The following TIMM44 variants were observed in gnomAD, a reference collection of about 807,000 sequenced individuals.
The protein encoded by TIMM44 is translocase of inner mitochondrial membrane 44, also known as mitochondrial import inner membrane translocase subunit TIM44.
TIMM44 carries 37 observed loss-of-function variants against 63.8 expected under a neutral mutation model. That is an observed-to-expected ratio of 0.58 (90% CI 0.45 to 0.76). The LOEUF is 0.76. TIMM44 is among the 30% of genes least tolerant of loss of function. TIMM44 has a pLI of 0.00. For synonymous variants in TIMM44, 239 were observed against 245.1 expected (o/e 0.98, Z 0.23); for missense variants, 573 against 603.8 (o/e 0.95, Z 0.54).
At chr19:7,938,821 A>T (rs1363479109) in intron 2 of TIMM44, among the ~76,000 whole-genome samples, 7 of 152,140 alleles carry the variant, frequency 4.6e-5, no homozygotes, top group Non-Finnish European at 8.8e-5. Context: ...AAAATAAAAT[A>T]AAATAATTTA....
chr19:7,940,664 A>G (rs754420643), intron 2 of TIMM44, among the ~76,000 whole-genome samples: 14 of 152,134 alleles, frequency 9.2e-5, no homozygotes, highest in Non-Finnish European at 1.9e-4. Context: ...AGACACCAAC[A>G]GAAGCACAGT....
In TIMM44 at chr19:7,943,034, CTG is replaced by C. The variant is rs1473356979; in HGVS notation, c.45+571_45+572del. 2.2e-5 allele frequency among the ~76,000 whole-genome samples: 3 copies of C among 134,560 alleles called. 1 individual carries two copies. The highest frequency in any genetic ancestry group is 2.1e-4 in the East Asian group (1 of 4,712). The allele number at this position is 134,560 out of a possible 152,430, so 88.3% of individuals were successfully genotyped here. ...CAGACTGGGCGACAAGAGCGAAACT[CTG>C]TCTCAAAAAAAAAAAAAAAAGAGAA... is the stretch of plus-strand genomic sequence containing the variant. On this transcript the variant is annotated intron_variant, in intron 1 of 12. Transcript: ENST00000270538. This position sits in a 1 kb window ranked among gnomAD's most constrained non-coding sequence, Gnocchi z 4.3.
At position 7,928,899 on chromosome 19, in the gene TIMM44, CAAGGTAAAAACA is replaced by C. The variant is rs1983892692; in HGVS notation, c.1039-745_1039-734del. 5.8e-5 allele frequency: 5 copies of C among 86,876 alleles called. No individual in the cohort carries two copies. In the Admixed American group the frequency reaches 8.0e-4, roughly 14 times the overall value. The allele number at this position is 86,876 out of a possible 1,614,324, so 5.4% of individuals were successfully genotyped here. ...CGAGTCAGCTGTGGCGTAATGGTCCCAAGGTAAAAACAAAACAAAAAACCAAAAAAAAAAAAA... is the reference window on the plus strand; with the variant it reads ...CGAGTCAGCTGTGGCGTAATGGTCCCAAACAAAAAACCAAAAAAAAAAAAA... On this transcript the variant is annotated intron_variant, in intron 10 of 12. Transcript: ENST00000270538.
chr19:7,939,974 G>A lies in TIMM44; in HGVS notation c.141+1128C>T, dbSNP rs570529439. The stretch of plus-strand genomic sequence containing the variant: ...ACAATAATCCAATCAGGCGGAAGGG[G>A]CCGCCTGTGGTCAACTTTTCCACAG... On this transcript the variant is annotated intron_variant, in intron 2 of 12. Coordinates refer to ENST00000270538, the MANE Select transcript of TIMM44 (RefSeq NM_006351.4). 1.6e-3 allele frequency among the ~76,000 whole-genome samples: 249 copies of A among 152,188 alleles called. 1 individual carries two copies. The highest frequency in any genetic ancestry group is 3.2e-3 in the Non-Finnish European group (216 of 68,002).
Position 7,935,059 on chromosome 19 carries a change from T to A in TIMM44, c.393+6A>T. On this transcript the variant is annotated splice_donor_region_variant and intron_variant, in intron 4 of 12. Transcript: ENST00000270538. ...CAGCGGCTCCAGGCGGGCGTGGAAC[T>A]GTTACCTCCTTCACGGTGCCCGTCA... is the stretch of plus-strand genomic sequence containing the variant. The A allele has an allele frequency of 6.2e-7, 1 of 1,612,150 alleles. No homozygotes were observed.
In TIMM44 at chr19:7,934,320, GGA is replaced by G. The variant is rs2145176629; in HGVS notation, c.394-84_394-83del. 1.3e-6 allele frequency: 2 copies of G among 1,555,062 alleles called. No homozygotes were observed. Among genetic ancestry groups the G allele is most frequent in the African/African-American group, 2.7e-5 (2 of 74,104 alleles). On this transcript the variant is annotated intron_variant, in intron 4 of 12. Transcript: ENST00000270538. The surrounding 1 kb of genome is among the most constrained non-coding windows in gnomAD (Gnocchi z 5.3). ...GGGGCAGGAGGAATGAATTCCTGCC[GGA>G]GAGAAGGGCGGATCTGGTTCCCCGA...
intron 3 of TIMM44, among the ~76,000 whole-genome samples, chr19:7,936,548 A>C (rs1984159763): frequency 1.3e-5 from 2 of 152,368 alleles, no homozygotes; most frequent in South Asian, 4.1e-4. Context: ...TGCATCTCTG[A>C]GGCTCAGCTG....
chr19:7,939,784 C>G (rs574768744), intron 2 of TIMM44, among the ~76,000 whole-genome samples: 1 of 151,874 alleles, frequency 6.6e-6, no homozygotes, highest in Non-Finnish European at 1.5e-5. Context: ...GGTGTGGCGG[C>G]GCCTGCCTGT....
Position 7,941,174 on chromosome 19 carries a change from T to A in TIMM44, c.69A>T (p.Gln23His), listed in dbSNP as rs35992331. The A allele has an allele frequency of 6.2e-7, 1 of 1,613,988 alleles. No homozygotes were observed. Among genetic ancestry groups the A allele is most frequent in the Non-Finnish European group, 8.5e-7 (1 of 1,179,976 alleles). Residue 23 changes from glutamine to histidine, a missense_variant, in exon 2 of 13, where the codon CAA (glutamine) becomes CAT (histidine). Transcript: ENST00000270538. Reference sequence around the variant, plus strand: ...GGGGTAGGTTGTGGCTGGAAAGAAATTGGATTCCACTGCCGAGGCATCTCT... The same window carrying A: ...GGGGTAGGTTGTGGCTGGAAAGAAAATGGATTCCACTGCCGAGGCATCTCT... ...CPRRCLGSGI[Q>H]FLSSHNLPHG...
chr19:7,927,368 G>A (rs558346139), intron 12 of TIMM44, 62 bp from the exon 13 acceptor site: 5 of 1,589,912 alleles, frequency 3.1e-6, no homozygotes, highest in African/African-American at 1.3e-5. Flanking sequence ...CAGCTCTGGG[G>A]GGGGGCCAGG....
At chr19:7,938,544 C>T (rs139809025) in intron 2 of TIMM44, among the ~76,000 whole-genome samples, 2,368 of 152,218 alleles carry the variant, frequency 0.016, 182 homozygotes, top group Admixed American at 0.13. Flanking sequence ...CGGTGGTTCA[C>T]GCCTGTAATC....
chr19:7,932,502 G>T, intron 9 of TIMM44, 125 bp downstream of exon 9: 1 of 1,386,662 alleles, frequency 7.2e-7, no homozygotes, highest in Non-Finnish European at 1.0e-6. Context: ...TGTGCAACCA[G>T]CCTCCTCAGA....
At chr19:7,942,420 C>A (rs1341646035) in intron 1 of TIMM44, among the ~76,000 whole-genome samples, 1 of 150,632 alleles carries the variant, frequency 6.6e-6, no homozygotes, top group African/African-American at 2.5e-5. Context: ...CTAGACCCTG[C>A]CTCCATAAAA....
chr19:7,941,056 C>T (rs757354693), intron 2 of TIMM44, 46 bp downstream of exon 2: 19 of 1,506,508 alleles, frequency 1.3e-5, no homozygotes, highest in South Asian at 6.7e-5. Flanking sequence ...TCTGAATTTT[C>T]GGGCCTCCCC....
chr19:7,942,946 G>T (rs1412873060), intron 1 of TIMM44, among the ~76,000 whole-genome samples: 3 of 148,662 alleles, frequency 2.0e-5, no homozygotes, highest in Admixed American at 6.7e-5. Context: ...CAGGAGAATC[G>T]CTTGAACCCG....
chr19:7,928,967 A>AT (rs1424055199), intron 10 of TIMM44: 1 of 151,860 alleles, frequency 6.6e-6, no homozygotes, highest in African/African-American at 2.4e-5. Flanking sequence ...GAAACTCATA[A>AT]ATGCCTGCTG....
chr19:7,928,923 C>CAAAAAAAAAAAAAAAAAAAAAA (rs758167153), intron 10 of TIMM44: 1 of 70,094 alleles, frequency 1.4e-5, no homozygotes, highest in African/African-American at 6.7e-5. Flanking sequence ...AACAAAAAAC[C>CAAAAAAAAAAAAAAAAAAAAAA]AAAAAAAAAA....
rs546602728 is a variant in TIMM44, at chr19:7,943,040, C to CA, written c.45+566dup. Among the ~76,000 whole-genome samples the CA allele has an allele frequency of 0.052, 4,327 of 83,788 alleles. 193 individuals are homozygous for CA. Among genetic ancestry groups the CA allele is most frequent in the African/African-American group, 0.14 (3,549 of 25,436 alleles). 55.0% of individuals were successfully genotyped at this position (83,788 alleles called of 152,430 possible). On this transcript the variant is annotated intron_variant, in intron 1 of 12. Transcript: ENST00000270538. The surrounding 1 kb of genome is among the most constrained non-coding windows in gnomAD (Gnocchi z 4.3). ...GGGCGACAAGAGCGAAACTCTGTCT[C>CA]AAAAAAAAAAAAAAAAGAGAAAAAA... is the stretch of plus-strand genomic sequence containing the variant.
intron 1 of TIMM44, among the ~76,000 whole-genome samples, chr19:7,942,086 C>T (rs939202415): frequency 6.6e-6 from 1 of 152,180 alleles, no homozygotes; most frequent in African/African-American, 2.4e-5. Flanking sequence ...CGGTGGCTCA[C>T]GCCAGTAATC....
Sources: gnomAD v4.1 joint callset for allele counts (sites outside exome capture counted in the v4.1 genomes callset) on GRCh38, gnomAD v4.1.1 for gene constraint, Gnocchi (gnomAD v3.1) non-coding constraint, MANE v1.5 for transcripts, NCBI Gene and HGNC (gene_info 2026-07-23, HGNC 2026-07-21) for gene names.